Variants in TRIO observed in about 807,000 individuals in gnomAD.
TRIO encodes trio Rho guanine nucleotide exchange factor.
A neutral mutation model predicts 351.9 loss-of-function variants in TRIO; 58 were observed. That is an observed-to-expected ratio of 0.16 (90% CI 0.13 to 0.21). The LOEUF is 0.21. Among genes scored for constraint, TRIO ranks in the 10% least tolerant of loss-of-function variants. The pLI, the probability that TRIO is intolerant of heterozygous loss-of-function variation, is 1.00. For missense variants in TRIO, 3,201 were observed against 4,027.8 expected (o/e 0.79, Z 5.56); for synonymous variants, 1,758 against 1,595.7 (o/e 1.10, Z -2.42).
chr5:14,425,408 A>G (rs1750561244), intron 34 of TRIO, among the ~76,000 whole-genome samples: 1 of 152,222 alleles, frequency 6.6e-6, no homozygotes, highest in Non-Finnish European at 1.5e-5. Flanking sequence ...AAGGCTGAAT[A>G]GCATCCCCTT....
chr5:14,370,244 G>T (rs1014620402), intron 18 of TRIO, among the ~76,000 whole-genome samples: 39 of 151,952 alleles, frequency 2.6e-4, no homozygotes, highest in Admixed American at 1.7e-3. Flanking sequence ...TCCCGCTTCA[G>T]CCTCTCTAGT....
intron 48 of TRIO, among the ~76,000 whole-genome samples, chr5:14,489,676 C>G (rs2126647633): frequency 1.3e-5 from 2 of 152,348 alleles, no homozygotes; most frequent in African/African-American, 4.8e-5. Flanking sequence ...ACTTCAACTG[C>G]TCCAAGACAG....
At chr5:14,300,527 C>T (rs1737786131) in intron 7 of TRIO, among the ~76,000 whole-genome samples, 2 of 152,186 alleles carry the variant, frequency 1.3e-5, no homozygotes, top group South Asian at 4.1e-4. Flanking sequence ...CAGAGTGAAC[C>T]ACACATCCGA....
chr5:14,182,153 C>G (rs1330360338), intron 1 of TRIO, among the ~76,000 whole-genome samples: 2 of 151,434 alleles, frequency 1.3e-5, no homozygotes, highest in East Asian at 3.9e-4. Context: ...AGCTGTGTGG[C>G]CTGAAGATTT....
chr5:14,264,668 T>A (rs1795556027), intron 1 of TRIO, among the ~76,000 whole-genome samples: 1 of 152,216 alleles, frequency 6.6e-6, no homozygotes, highest in African/African-American at 2.4e-5. Context: ...GCCTCCTTCC[T>A]ATGCATCACT....
At position 14,212,191 on chromosome 5, in the gene TRIO, A is replaced by G. The variant is rs143585183; in HGVS notation, c.158-58634A>G. Among the ~76,000 whole-genome samples, 53 of 152,298 alleles carry G rather than the reference A, an allele frequency of 3.5e-4. No homozygotes were observed. In the East Asian group the frequency reaches 8.7e-3, roughly 25 times the overall value. On this transcript the variant is annotated intron_variant, in intron 1 of 56. Coordinates refer to ENST00000344204, the MANE Select transcript of TRIO (RefSeq NM_007118.4). ...GTTTAATGGTTAAAATGTGTTATTT[A>G]TAGTTTGTAGAGTACTCAGGAAGGA...
At position 14,498,209 on chromosome 5, in the gene TRIO, A is replaced by T; in HGVS notation, c.8168A>T (p.His2723Leu). The change falls in exon 52 of 57, where the codon CAC becomes CTC. Residue 2723 changes from histidine (H) to leucine (L), a missense_variant. Transcript: ENST00000344204. ...KASITWKGPE[H>L]NTLNNDGHYS... ...TCAATTACCTGGAAGGGCCCTGAAC[A>T]CAACACCTTGAACAACGATGGTCAC... The T allele has an allele frequency of 6.2e-7, 1 of 1,614,240 alleles. No individual in the cohort carries two copies. The highest frequency in any genetic ancestry group is 8.5e-7 in the Non-Finnish European group (1 of 1,180,042).
chr5:14,152,754 A>G (rs1787912230), intron 1 of TRIO, among the ~76,000 whole-genome samples: 1 of 152,188 alleles, frequency 6.6e-6, no homozygotes, highest in Admixed American at 6.5e-5. Context: ...AGCCTGGAGA[A>G]CGGGTGCTAA....
chr5:14,225,245 A>G (rs1241421803), intron 1 of TRIO, among the ~76,000 whole-genome samples: 1 of 152,192 alleles, frequency 6.6e-6, no homozygotes, highest in Non-Finnish European at 1.5e-5. Flanking sequence ...GATTTGGTAT[A>G]CTTCTGAGAA....
chr5:14,193,121 G>A (rs949698344), intron 1 of TRIO, among the ~76,000 whole-genome samples: 3 of 152,236 alleles, frequency 2.0e-5, no homozygotes, highest in African/African-American at 4.8e-5. Flanking sequence ...TTGCCATGCA[G>A]TTTCTGGTAG....
chr5:14,396,504 C>G (rs1170093764), intron 28 of TRIO, among the ~76,000 whole-genome samples: 6 of 96,632 alleles, frequency 6.2e-5, no homozygotes, highest in East Asian at 4.0e-4. Context: ...GGGTCTTGCT[C>G]TGTCCCCCAG....
At position 14,399,049 on chromosome 5, in the gene TRIO, C is replaced by T. The variant is rs368915615; in HGVS notation, c.4593C>T (p.Tyr1531=). The change falls in exon 30 of 57, where the codon TAC becomes TAT. Residue 1531 remains tyrosine, a synonymous_variant. Coordinates refer to ENST00000344204, the MANE Select transcript of TRIO (RefSeq NM_007118.4). ...EVKDSSGRSK[Y]LYKSKLFTSE... ...AAGATTCCAGTGGGAGAAGCAAGTA[C>T]CTTTATAAAAGCAAATTGTTTGTAA... 2.5e-6 allele frequency: 4 copies of T among 1,613,946 alleles called. No individual in the cohort carries two copies. In the African/African-American group the frequency reaches 5.3e-5, roughly 22 times the overall value.
chr5:14,468,703 T>C (rs1454349442), intron 37 of TRIO, among the ~76,000 whole-genome samples: 1 of 152,250 alleles, frequency 6.6e-6, no homozygotes, highest in Non-Finnish European at 1.5e-5. Flanking sequence ...ATGTGTTTTC[T>C]TGTGGGTGAT....
intron 38 of TRIO, 95 bp downstream of exon 38, chr5:14,471,561 C>T (rs1205716631): frequency 2.4e-5 from 36 of 1,520,368 alleles, no homozygotes; most frequent in South Asian, 1.6e-4. Context: ...TCTGAATTAC[C>T]GAGATGAGAA....
rs115882559 is a variant in TRIO at position 14,238,098 on chromosome 5, A to T, written c.158-32727A>T. ...TATTTAGATGAAGTTAGAGATAGTG[A>T]ACTTTATACATGAGAAAGTAAAGTT... is the stretch of plus-strand genomic sequence containing the variant. On this transcript the variant is annotated intron_variant, in intron 1 of 56. Transcript: ENST00000344204. Among the ~76,000 whole-genome samples, 197 of 152,286 alleles carry T rather than the reference A, an allele frequency of 1.3e-3. 1 individual carries two copies. The highest frequency in any genetic ancestry group is 2.2e-3 in the Non-Finnish European group (150 of 68,026).
intron 1 of TRIO, among the ~76,000 whole-genome samples, chr5:14,155,590 T>C (rs900355639): frequency 1.4e-4 from 22 of 152,210 alleles, no homozygotes; most frequent in African/African-American, 5.1e-4. Flanking sequence ...GTTACCCTGA[T>C]AGTTTTGACG....
Position 14,273,818 on chromosome 5 carries a change from C to G in TRIO, c.232+2919C>G, listed in dbSNP as rs540069981. On this transcript the variant is annotated intron_variant, in intron 2 of 56. Transcript: ENST00000344204. ...CTAGGGTTTGAGCCTTAGAAAATCT[C>G]ACACGACAACCACCAGAATTAAGAA... Among the ~76,000 whole-genome samples the G allele has an allele frequency of 7.2e-5, 11 of 152,316 alleles. No individual in the cohort carries two copies. The South Asian group carries it at 2.3e-3, about 32-fold the overall frequency.
chr5:14,473,526 A>G (rs1754833158), intron 39 of TRIO, among the ~76,000 whole-genome samples: 1 of 152,228 alleles, frequency 6.6e-6, no homozygotes, highest in Non-Finnish European at 1.5e-5. Flanking sequence ...TTTTAGCAGC[A>G]TATTCAATCA....
intron 48 of TRIO, chr5:14,488,624 T>G (rs1369069806): frequency 4.0e-6 from 2 of 495,922 alleles, no homozygotes; most frequent in East Asian, 6.5e-5. Flanking sequence ...ACCTCCTGTT[T>G]AAATTGAAAC....
Sources: allele counts gnomAD v4.1 joint callset (sites outside exome capture counted in the v4.1 genomes callset), GRCh38; gene constraint gnomAD v4.1.1; transcripts MANE v1.5; gene names NCBI Gene and HGNC (gene_info 2026-07-23, HGNC 2026-07-21).